Variants in STXBP5L observed in about 807,000 individuals in gnomAD.
STXBP5L encodes the protein syntaxin binding protein 5L.
Under a neutral mutation model 144.5 loss-of-function variants are expected in STXBP5L, and 65 were observed. The observed-to-expected ratio is 0.45, with a 90% confidence interval of 0.37 to 0.55. STXBP5L has a LOEUF of 0.55. Among genes scored for constraint, STXBP5L ranks in the 20% least tolerant of loss-of-function variants. The pLI is 0.00. For synonymous variants in STXBP5L, 505 were observed against 469.6 expected (o/e 1.08, Z -0.97); for missense variants, 1,298 against 1,405.5 (o/e 0.92, Z 1.22).
chr3:121,207,633 C>A (rs950150212), intron 10 of STXBP5L, among the ~76,000 whole-genome samples: 1 of 152,104 alleles, frequency 6.6e-6, no homozygotes, highest in Admixed American at 6.6e-5. Flanking sequence ...AACAAATTTA[C>A]AAGAAAAAAT....
At chr3:121,283,636 C>T (rs2051133164) in intron 19 of STXBP5L, among the ~76,000 whole-genome samples, 3 of 151,988 alleles carry the variant, frequency 2.0e-5, no homozygotes, top group African/African-American at 4.8e-5. Context: ...TGCTTTCACA[C>T]TACAATGGCA....
At chr3:121,393,274 G>T (rs1326095871) in intron 22 of STXBP5L, among the ~76,000 whole-genome samples, 1 of 151,774 alleles carries the variant, frequency 6.6e-6, no homozygotes, top group Non-Finnish European at 1.5e-5. Flanking sequence ...TTTTAATGGG[G>T]TTATTTGTGT....
At chr3:121,090,550 T>A (rs1455285217) in intron 5 of STXBP5L, among the ~76,000 whole-genome samples, 1 of 152,184 alleles carries the variant, frequency 6.6e-6, no homozygotes, top group African/African-American at 2.4e-5. Context: ...TCATGGCTTT[T>A]GCTCCTGTGG....
intron 4 of STXBP5L, 151 bp from the exon 5 acceptor site, chr3:121,045,284 T>A: frequency 1.6e-6 from 1 of 625,518 alleles, no homozygotes; most frequent in Non-Finnish European, 2.6e-6. Context: ...CCCTTCCTGA[T>A]TGAAGTTTAT....
chr3:121,069,600 C>T (rs1036397176), intron 5 of STXBP5L, among the ~76,000 whole-genome samples: 3 of 151,890 alleles, frequency 2.0e-5, no homozygotes, highest in Non-Finnish European at 4.4e-5. Flanking sequence ...CTTTATATTT[C>T]TACCAGAAAT....
intron 17 of STXBP5L, 47 bp from the exon 18 acceptor site, chr3:121,258,996 C>A: frequency 1.3e-6 from 2 of 1,485,484 alleles, no homozygotes; most frequent in Non-Finnish European, 1.8e-6. Flanking sequence ...TAAGTTTGAC[C>A]ATGTTTATTT....
intron 22 of STXBP5L, among the ~76,000 whole-genome samples, chr3:121,400,636 C>A (rs1487935596): frequency 6.6e-6 from 1 of 152,148 alleles, no homozygotes; most frequent in Non-Finnish European, 1.5e-5. Context: ...CCCTCAGATG[C>A]CTGTGAAAGT....
At chr3:121,090,444 A>G (rs1234593162) in intron 5 of STXBP5L, among the ~76,000 whole-genome samples, 1 of 152,174 alleles carries the variant, frequency 6.6e-6, no homozygotes, top group East Asian at 1.9e-4. Flanking sequence ...CCCAATTCTC[A>G]TTCAGAAATT....
intron 19 of STXBP5L, among the ~76,000 whole-genome samples, chr3:121,308,886 A>G (rs1242152928): frequency 6.6e-6 from 1 of 152,162 alleles, no homozygotes; most frequent in East Asian, 1.9e-4. Flanking sequence ...GCTATTAAAA[A>G]TTAACATTTC....
At chr3:121,315,741 C>CTT (rs2043762949) in intron 19 of STXBP5L, among the ~76,000 whole-genome samples, 1 of 152,028 alleles carries the variant, frequency 6.6e-6, no homozygotes, top group African/African-American at 2.4e-5. Context: ...ATGGCTCATG[C>CTT]TTATAATCCC....
intron 25 of STXBP5L, 128 bp from the exon 26 acceptor site, chr3:121,418,209 C>T: frequency 2.7e-6 from 3 of 1,097,924 alleles, no homozygotes; most frequent in Non-Finnish European, 3.9e-6. Context: ...ATGACTGGAC[C>T]AAATAAGACT....
intron 5 of STXBP5L, among the ~76,000 whole-genome samples, chr3:121,096,281 G>A (rs1312322145): frequency 6.6e-6 from 1 of 152,172 alleles, no homozygotes; most frequent in Non-Finnish European, 1.5e-5. Context: ...TTCTTAGCTT[G>A]CTTGCATTGG....
intron 20 of STXBP5L, among the ~76,000 whole-genome samples, chr3:121,321,653 C>T (rs1242167763): frequency 6.6e-6 from 1 of 152,096 alleles, no homozygotes; most frequent in Non-Finnish European, 1.5e-5. Context: ...GAATCACTGC[C>T]CTATGAAACA....
At chr3:121,085,259 G>T (rs2042434453) in intron 5 of STXBP5L, among the ~76,000 whole-genome samples, 1 of 152,094 alleles carries the variant, frequency 6.6e-6, no homozygotes, top group South Asian at 2.1e-4. Flanking sequence ...TGTTGCAGTT[G>T]CAGTTGACGT....
chr3:121,091,500 A>G lies in STXBP5L; in HGVS notation c.471-23425A>G, dbSNP rs1357027370. ...CTGGTGTGAGATGATATCTCATTGC[A>G]GTTTTGATTTGCATTTCTCTGATGG... On this transcript the variant is annotated intron_variant, in intron 5 of 26. Coordinates refer to ENST00000471454, the MANE Select transcript of STXBP5L (RefSeq NM_001308330.2). 2.6e-5 allele frequency among the ~76,000 whole-genome samples: 4 copies of G among 152,028 alleles called. No homozygotes were observed. The South Asian group carries it at 6.2e-4, about 24-fold the overall frequency.
chr3:121,060,241 T>C (rs566277702), intron 5 of STXBP5L, among the ~76,000 whole-genome samples: 1 of 152,340 alleles, frequency 6.6e-6, no homozygotes, highest in South Asian at 2.1e-4. Flanking sequence ...ATGTGGTTTC[T>C]GTCATTTTTT....
intron 10 of STXBP5L, among the ~76,000 whole-genome samples, chr3:121,220,538 T>A (rs1441592856): frequency 6.6e-6 from 1 of 152,090 alleles, no homozygotes; most frequent in East Asian, 1.9e-4. Context: ...ATCTAATAAA[T>A]GTGAGAAATT....
chr3:120,982,265 G>T (rs1389078684), intron 3 of STXBP5L, among the ~76,000 whole-genome samples: 1 of 152,162 alleles, frequency 6.6e-6, no homozygotes, highest in African/African-American at 2.4e-5. Context: ...AGAATGCCCA[G>T]TTTCCAGGAA....
intron 14 of STXBP5L, among the ~76,000 whole-genome samples, chr3:121,250,469 A>G (rs561221981): frequency 6.6e-6 from 1 of 152,088 alleles, no homozygotes; most frequent in South Asian, 2.1e-4. Context: ...ATTGTTCTCC[A>G]TTACATATAT....
Sources: allele counts gnomAD v4.1 joint callset (sites outside exome capture counted in the v4.1 genomes callset), GRCh38; gene constraint gnomAD v4.1.1; transcripts MANE v1.5; gene names NCBI Gene and HGNC (gene_info 2026-07-23, HGNC 2026-07-21).